EVC2: variants seen among roughly 807,000 people sequenced by gnomAD.
EVC2 encodes limbin.
EVC2 carries 148 observed loss-of-function variants against 149.3 expected under a neutral mutation model. The ratio of observed to expected loss-of-function variants is 0.99; its 90% CI spans 0.87 to 1.14. The LOEUF is 1.14. Ranked by LOEUF, EVC2 falls within the 50% of genes most tolerant of loss-of-function variation. The pLI is 0.00. For missense variants in EVC2, 1,854 were observed against 1,627.3 expected, an observed-to-expected ratio of 1.14 and a Z score of -2.40; for synonymous variants, 776 against 649.9, an observed-to-expected ratio of 1.19 and a Z score of -2.95.
the EVC2 span, among the ~76,000 whole-genome samples, chr4:5,536,298 T>G: frequency 6.6e-6 from 1 of 152,174 alleles, no homozygotes; most frequent in African/African-American, 2.4e-5. Context: ...AGAGCTTATT[T>G]GTATTCTTTG....
At chr4:5,685,125 C>A (rs1343766131) in intron 6 of EVC2, among the ~76,000 whole-genome samples, 1 of 152,192 alleles carries the variant, frequency 6.6e-6, no homozygotes, top group Non-Finnish European at 1.5e-5. Flanking sequence ...GATTACCTAT[C>A]CTTATGATAA....
At chr4:5,683,515 C>T (rs1470040538) in intron 6 of EVC2, among the ~76,000 whole-genome samples, 2 of 152,138 alleles carry the variant, frequency 1.3e-5, no homozygotes, top group African/African-American at 4.8e-5. Flanking sequence ...GTGCAGGGTT[C>T]TCTTTTTGGC....
Position 5,622,514 on chromosome 4 carries a change from T to C in EVC2, c.2501+23A>G, listed in dbSNP as rs759036522. On this transcript the variant is annotated intron_variant, in intron 14 of 21. Coordinates refer to ENST00000344408, the MANE Select transcript of EVC2 (RefSeq NM_147127.5). This position sits in a 1 kb window ranked among gnomAD's most constrained non-coding sequence, Gnocchi z 5.8. ...GCATCAACGGGATGGGGAGGGGTGATTACGACCCGCAAAGGCACTCACATG... is the reference window on the plus strand; with the variant it reads ...GCATCAACGGGATGGGGAGGGGTGACTACGACCCGCAAAGGCACTCACATG... 7 of 1,610,174 alleles carry C rather than the reference T, an allele frequency of 4.3e-6. No individual in the cohort carries two copies. Among genetic ancestry groups the C allele is most frequent in the South Asian group, 2.2e-5 (2 of 90,060 alleles).
At chr4:5,543,998 C>T (rs16837413) in intron 21 of EVC2, among the ~76,000 whole-genome samples, 11,612 of 152,168 alleles carry the variant, frequency 0.076, 765 homozygotes, top group African/African-American at 0.17. Flanking sequence ...GACAGGAGAT[C>T]GACCTCAGAA....
intron 16 of EVC2, 142 bp from the exon 17 acceptor site, chr4:5,584,992 G>T: frequency 2.3e-6 from 2 of 885,944 alleles, no homozygotes; most frequent in African/African-American, 1.7e-5. Flanking sequence ...CTGGGAACCT[G>T]CAGGGAGCAA....
In EVC2 at chr4:5,610,864, A is replaced by G. The variant is rs1480106962; in HGVS notation, c.2829+4558T>C. Among the ~76,000 whole-genome samples, 7 of 146,784 alleles carry G rather than the reference A, an allele frequency of 4.8e-5. No individual in the cohort carries two copies. The East Asian group carries it at 1.2e-3, about 25-fold the overall frequency. ...AAGTATCTATGAATGTGTGGCAAGTAGACTAGGATGGGTAAGCTGGAAAGA... is the reference window on the plus strand; with the variant it reads ...AAGTATCTATGAATGTGTGGCAAGTGGACTAGGATGGGTAAGCTGGAAAGA... On this transcript the variant is annotated intron_variant, in intron 16 of 21. Transcript: ENST00000344408.
the EVC2 span, among the ~76,000 whole-genome samples, chr4:5,536,555 C>T: frequency 0.04 from 6,043 of 152,118 alleles, 231 homozygotes; most frequent in African/African-American, 0.095. Flanking sequence ...GAGGCCAAGG[C>T]GGGCAGATCA....
chr4:5,695,778 G>A (rs769054464), intron 2 of EVC2, among the ~76,000 whole-genome samples: 6 of 152,098 alleles, frequency 3.9e-5, no homozygotes, highest in Non-Finnish European at 7.4e-5. Flanking sequence ...CTGAAAATAA[G>A]GTGTACTTTT....
chr4:5,580,054 G>A (rs1052023760), intron 17 of EVC2, among the ~76,000 whole-genome samples: 1 of 152,178 alleles, frequency 6.6e-6, no homozygotes, highest in Non-Finnish European at 1.5e-5. Flanking sequence ...TGCAAAATGA[G>A]TCTAAATCTT....
intron 9 of EVC2, among the ~76,000 whole-genome samples, chr4:5,647,423 C>T (rs1189356448): frequency 6.6e-6 from 1 of 152,206 alleles, no homozygotes; most frequent in Non-Finnish European, 1.5e-5. Flanking sequence ...TAGCTTCCGT[C>T]CCCTTAAGAC....
intron 16 of EVC2, among the ~76,000 whole-genome samples, chr4:5,588,984 G>C (rs1712545101): frequency 6.6e-6 from 1 of 152,218 alleles, no homozygotes; most frequent in Non-Finnish European, 1.5e-5. Context: ...ATCTGTGTCA[G>C]TTCTGGATTG....
At chr4:5,598,057 G>T (rs1262354125) in intron 16 of EVC2, among the ~76,000 whole-genome samples, 4 of 143,126 alleles carry the variant, frequency 2.8e-5, no homozygotes, top group Non-Finnish European at 4.6e-5. Flanking sequence ...CACTGCTCAA[G>T]GAAATAAAAG....
chr4:5,636,913 G>C lies in EVC2; in HGVS notation c.1470+3601C>G, dbSNP rs1716921495. ...ACTTGCATGGACTGGAAGGAAACTA[G>C]TTCTATTAAATGCTGCAGCTCAGAT... On this transcript the variant is annotated intron_variant, in intron 10 of 21. Coordinates refer to ENST00000344408, the MANE Select transcript of EVC2 (RefSeq NM_147127.5). This position sits in a 1 kb window ranked among gnomAD's most constrained non-coding sequence, Gnocchi z 4.6. 6.6e-6 allele frequency among the ~76,000 whole-genome samples: 1 copy of C among 152,196 alleles called. No homozygotes were observed. The highest frequency in any genetic ancestry group is 2.4e-5 in the African/African-American group (1 of 41,442).
At chr4:5,674,118 T>C (rs1205430227) in intron 7 of EVC2, among the ~76,000 whole-genome samples, 1 of 151,896 alleles carries the variant, frequency 6.6e-6, no homozygotes, top group African/African-American at 2.4e-5. Flanking sequence ...AACAGAGGGG[T>C]GAGTGGCTTG....
chr4:5,586,764 C>T (rs866140894), intron 16 of EVC2, among the ~76,000 whole-genome samples: 7 of 151,948 alleles, frequency 4.6e-5, no homozygotes, highest in South Asian at 2.1e-4. Context: ...TTCAAGTTGT[C>T]CCACTTTTCT....
At chr4:5,605,716 A>G (rs988658910) in intron 16 of EVC2, among the ~76,000 whole-genome samples, 5 of 152,218 alleles carry the variant, frequency 3.3e-5, no homozygotes, top group African/African-American at 1.2e-4. Context: ...ACAGCCTTAC[A>G]GTCCAACAGA....
intron 1 of EVC2, among the ~76,000 whole-genome samples, chr4:5,705,110 T>A (rs1560242170): frequency 6.6e-6 from 1 of 152,212 alleles, no homozygotes; most frequent in Non-Finnish European, 1.5e-5. Flanking sequence ...TTTTTGTTGT[T>A]CTTTTCTACA....
chr4:5,599,462 A>G (rs1338223061), intron 16 of EVC2, among the ~76,000 whole-genome samples: 4 of 152,198 alleles, frequency 2.6e-5, no homozygotes, highest in Non-Finnish European at 5.9e-5. Flanking sequence ...TCAGTAAACT[A>G]TCGCAAGAAC....
At chr4:5,698,478 C>G (rs1357644339) in intron 1 of EVC2, among the ~76,000 whole-genome samples, 1 of 152,204 alleles carries the variant, frequency 6.6e-6, no homozygotes, top group Non-Finnish European at 1.5e-5. Flanking sequence ...TCCTCCGAGT[C>G]TGCTCAGCCT....
Sources: allele counts gnomAD v4.1 joint callset (sites outside exome capture counted in the v4.1 genomes callset), GRCh38; gene constraint gnomAD v4.1.1; non-coding constraint Gnocchi (gnomAD v3.1); transcripts MANE v1.5; gene names NCBI Gene and HGNC (gene_info 2026-07-23, HGNC 2026-07-21).